Variants in LRBA observed in about 807,000 individuals in gnomAD.
LRBA encodes the protein LPS responsive beige-like anchor protein, also known as lipopolysaccharide-responsive and beige-like anchor protein.
In LRBA, 176 loss-of-function variants were observed where a neutral mutation model predicts 330.0. That is an observed-to-expected ratio of 0.53 (90% CI 0.47 to 0.60). LRBA has a LOEUF of 0.60. LRBA is among the 20% of genes least tolerant of loss of function. The probability of loss-of-function intolerance (pLI) is 0.00; values close to 1 mark genes in which losing one functional copy is unlikely to be tolerated. For missense variants in LRBA, 3,259 were observed against 3,444.8 expected, an observed-to-expected ratio of 0.95 and a Z score of 1.35; for synonymous variants, 1,230 against 1,193.0, an observed-to-expected ratio of 1.03 and a Z score of -0.64.
chr4:150,673,108 A>G (rs1261155750), intron 37 of LRBA, among the ~76,000 whole-genome samples: 29 of 152,118 alleles, frequency 1.9e-4, no homozygotes, highest in Non-Finnish European at 4.4e-5. Flanking sequence ...TCTCCACAAT[A>G]ACTTGCTCAT....
chr4:150,922,938 G>A (rs1733467134), intron 4 of LRBA, among the ~76,000 whole-genome samples: 1 of 152,038 alleles, frequency 6.6e-6, no homozygotes, highest in East Asian at 1.9e-4. Context: ...GGTAATAACT[G>A]TCAAGGTCAG....
chr4:150,461,404 T>C (rs1754759982), intron 44 of LRBA, among the ~76,000 whole-genome samples: 1 of 151,856 alleles, frequency 6.6e-6, no homozygotes, highest in Middle Eastern at 3.4e-3. Flanking sequence ...ACAGTGATGG[T>C]TTCTTTTTTA....
chr4:150,479,038 C>G (rs1300803364), intron 42 of LRBA, among the ~76,000 whole-genome samples: 1 of 151,926 alleles, frequency 6.6e-6, no homozygotes, highest in South Asian at 2.1e-4. Flanking sequence ...AATCCCAGCA[C>G]TTTAGGAGGC....
At chr4:151,007,482 G>A (rs528800730) in intron 2 of LRBA, among the ~76,000 whole-genome samples, 1 of 148,528 alleles carries the variant, frequency 6.7e-6, no homozygotes, top group African/African-American at 2.5e-5. Flanking sequence ...TCCAGCCTGG[G>A]CGACAGAGCG....
intron 49 of LRBA, among the ~76,000 whole-genome samples, chr4:150,325,581 A>G (rs1733136585): frequency 6.6e-6 from 1 of 152,162 alleles, no homozygotes; most frequent in South Asian, 2.1e-4. Flanking sequence ...TCTGTAACAC[A>G]AGACACCAAC....
chr4:150,808,861 G>T (rs1158395448), intron 31 of LRBA, among the ~76,000 whole-genome samples: 1 of 152,102 alleles, frequency 6.6e-6, no homozygotes, highest in African/African-American at 2.4e-5. Context: ...ATGTAATCAG[G>T]GTTAGAAGCC....
At chr4:150,467,824 A>G (rs760924850) in intron 43 of LRBA, 39 bp from the exon 44 acceptor site, 5 of 943,482 alleles carry the variant, frequency 5.3e-6, no homozygotes, top group South Asian at 1.5e-5. Flanking sequence ...TATAATTTTA[A>G]AAGTGAAATA....
chr4:150,414,635 C>T lies in LRBA; in HGVS notation c.7194+803G>A, dbSNP rs2660445. 3.9e-3 allele frequency among the ~76,000 whole-genome samples: 595 copies of T among 152,122 alleles called. 4 individuals carry two copies. Among genetic ancestry groups the T allele is most frequent in the African/African-American group, 0.012 (494 of 41,520 alleles). On this transcript the variant is annotated intron_variant, in intron 47 of 56. Coordinates refer to ENST00000651943, the MANE Select transcript of LRBA (RefSeq NM_001364905.1). Reference sequence around the variant, plus strand: ...CCTCCCAAGTAGCTGGGATTACAGGCGCCTGCCACCACATCCGGCTAATTT... The same window carrying T: ...CCTCCCAAGTAGCTGGGATTACAGGTGCCTGCCACCACATCCGGCTAATTT...
At chr4:150,982,268 C>T (rs573391106) in intron 2 of LRBA, among the ~76,000 whole-genome samples, 1 of 152,010 alleles carries the variant, frequency 6.6e-6, no homozygotes, top group Non-Finnish European at 1.5e-5. Flanking sequence ...AATAAATGTG[C>T]TTAATTATAA....
chr4:150,505,812 A>G (rs183076424), intron 40 of LRBA, among the ~76,000 whole-genome samples: 171 of 152,326 alleles, frequency 1.1e-3, no homozygotes, highest in Admixed American at 2.4e-3. Context: ...TGAAAAGATC[A>G]ACAAAATTAT....
chr4:150,579,413 C>G, intron 40 of LRBA: 1 of 443,224 alleles, frequency 2.3e-6, no homozygotes, highest in African/African-American at 2.0e-5. Flanking sequence ...GCATTATTTG[C>G]TGGAAGTGTT....
At chr4:150,571,963 T>TCTTCGC (rs1769927451) in intron 40 of LRBA, among the ~76,000 whole-genome samples, 1 of 152,026 alleles carries the variant, frequency 6.6e-6, no homozygotes, top group African/African-American at 2.4e-5. Context: ...CATCTCTTCG[T>TCTTCGC]ATTACTTAGG....
intron 40 of LRBA, among the ~76,000 whole-genome samples, chr4:150,519,031 A>G (rs1384839116): frequency 6.6e-6 from 1 of 152,070 alleles, no homozygotes; most frequent in Non-Finnish European, 1.5e-5. Flanking sequence ...CCTTTCCTAG[A>G]TAATTTTTTT....
chr4:150,753,423 G>A (rs1225700767), intron 35 of LRBA, among the ~76,000 whole-genome samples: 1 of 152,144 alleles, frequency 6.6e-6, no homozygotes, highest in Non-Finnish European at 1.5e-5. Context: ...CAAAGGTTAT[G>A]AGAGTTCCGT....
At chr4:150,607,093 A>G (rs1308961723) in intron 37 of LRBA, among the ~76,000 whole-genome samples, 2 of 152,232 alleles carry the variant, frequency 1.3e-5, no homozygotes, top group African/African-American at 2.4e-5. Context: ...TTTGGTAAGA[A>G]ATCACAGCTA....
chr4:150,683,193 C>T (rs1301058328), intron 37 of LRBA, among the ~76,000 whole-genome samples: 2 of 151,856 alleles, frequency 1.3e-5, no homozygotes, highest in Non-Finnish European at 2.9e-5. Flanking sequence ...ATGTTATATA[C>T]GTAAAAATTT....
At chr4:150,654,049 T>TGTA (rs1440608247) in intron 37 of LRBA, among the ~76,000 whole-genome samples, 4 of 152,224 alleles carry the variant, frequency 2.6e-5, no homozygotes, top group Non-Finnish European at 5.9e-5. Flanking sequence ...TTTGCCTCTA[T>TGTA]GTAGTATATA....
chr4:150,611,479 C>T (rs1775255292), intron 37 of LRBA, among the ~76,000 whole-genome samples: 2 of 152,080 alleles, frequency 1.3e-5, no homozygotes, highest in Non-Finnish European at 2.9e-5. Context: ...TATGACAGTT[C>T]ATTATATTGG....
intron 41 of LRBA, among the ~76,000 whole-genome samples, chr4:150,489,759 C>T (rs9759976): frequency 0.75 from 100,872 of 133,948 alleles, 41,333 homozygotes; most frequent in Non-Finnish European, 0.92. Flanking sequence ...ATATATTATA[C>T]ATATATATTC....
Sources: gnomAD v4.1 joint callset for allele counts (sites outside exome capture counted in the v4.1 genomes callset) on GRCh38, gnomAD v4.1.1 for gene constraint, MANE v1.5 for transcripts, NCBI Gene and HGNC (gene_info 2026-07-23, HGNC 2026-07-21) for gene names.